Variants in DPP10 observed in about 807,000 individuals in gnomAD.
DPP10 encodes the protein inactive dipeptidyl peptidase 10.
Under a neutral mutation model 120.9 loss-of-function variants are expected in DPP10, and 33 were observed. That is an observed-to-expected ratio of 0.27 (90% CI 0.21 to 0.37). The LOEUF is 0.37. Among genes scored for constraint, DPP10 ranks in the 10% least tolerant of loss-of-function variants. The pLI is 1.00. For missense variants in DPP10, 816 were observed against 942.8 expected (o/e 0.87, Z 1.76); for synonymous variants, 337 against 326.1 (o/e 1.03, Z -0.36).
chr2:115,646,196 T>C (rs2087241174), intron 5 of DPP10, among the ~76,000 whole-genome samples: 1 of 152,150 alleles, frequency 6.6e-6, no homozygotes, highest in Non-Finnish European at 1.5e-5. Context: ...TTACTCTATG[T>C]CACCATATTA....
At chr2:115,696,710 A>G (rs2091611226) in intron 7 of DPP10, among the ~76,000 whole-genome samples, 1 of 152,220 alleles carries the variant, frequency 6.6e-6, no homozygotes, top group African/African-American at 2.4e-5. Context: ...GCAATTATAG[A>G]AATGTATGTT....
chr2:115,125,774 G>A (rs1237374828), intron 1 of DPP10, among the ~76,000 whole-genome samples: 9 of 151,698 alleles, frequency 5.9e-5, no homozygotes, highest in East Asian at 2.0e-4. Context: ...AATAGAGACC[G>A]GGTTTCACCA....
At chr2:115,708,302 C>G (rs1170946269) in intron 7 of DPP10, among the ~76,000 whole-genome samples, 1 of 151,986 alleles carries the variant, frequency 6.6e-6, no homozygotes, top group Non-Finnish European at 1.5e-5. Flanking sequence ...TAAAAAGCAA[C>G]TGTGACTTGG....
intron 1 of DPP10, among the ~76,000 whole-genome samples, chr2:114,905,447 A>AATT (rs1467500590): frequency 6.6e-6 from 1 of 152,070 alleles, no homozygotes; most frequent in Non-Finnish European, 1.5e-5. Flanking sequence ...TCTTAAATTG[A>AATT]ATTATTTACA....
At chr2:114,973,489 G>A (rs993523352) in intron 1 of DPP10, among the ~76,000 whole-genome samples, 31 of 151,224 alleles carry the variant, frequency 2.0e-4, no homozygotes, top group Admixed American at 5.3e-4. Context: ...GTGAAACCCC[G>A]TCTCTACTAA....
chr2:115,499,012 G>T (rs1353088985), intron 3 of DPP10, among the ~76,000 whole-genome samples: 1 of 151,964 alleles, frequency 6.6e-6, no homozygotes, highest in African/African-American at 2.4e-5. Flanking sequence ...ACCCAGAAGA[G>T]AATTCAAGAT....
At chr2:115,031,358 C>T (rs1703830327) in intron 1 of DPP10, among the ~76,000 whole-genome samples, 1 of 152,142 alleles carries the variant, frequency 6.6e-6, no homozygotes, top group Non-Finnish European at 1.5e-5. Flanking sequence ...ATGAGTTTTA[C>T]CGGATGTCTA....
At chr2:115,737,961 T>C (rs1676776117) in intron 8 of DPP10, among the ~76,000 whole-genome samples, 1 of 152,188 alleles carries the variant, frequency 6.6e-6, no homozygotes, top group Admixed American at 6.5e-5. Flanking sequence ...GTTGCCTCTG[T>C]CAGCAAGAAG....
chr2:114,909,611 GA>G (rs1159986199), intron 1 of DPP10, among the ~76,000 whole-genome samples: 5 of 151,932 alleles, frequency 3.3e-5, no homozygotes, highest in Admixed American at 2.0e-4. Flanking sequence ...GAGTAAAGTA[GA>G]AAAAAACTAG....
chr2:115,082,603 A>G (rs1708365248), intron 1 of DPP10, among the ~76,000 whole-genome samples: 2 of 152,238 alleles, frequency 1.3e-5, no homozygotes, highest in Non-Finnish European at 2.9e-5. Context: ...AGTAGTCTCA[A>G]GAATTTTGAG....
At chr2:115,753,098 A>T in intron 10 of DPP10, 76 bp from the exon 11 acceptor site, 1 of 1,374,156 alleles carries the variant, frequency 7.3e-7, no homozygotes, top group Non-Finnish European at 9.8e-7. Flanking sequence ...TATATATAAA[A>T]TGGCAAATGT....
chr2:115,379,338 G>A (rs574787099), intron 3 of DPP10, among the ~76,000 whole-genome samples: 7 of 152,284 alleles, frequency 4.6e-5, no homozygotes. Context: ...GTTTATTTGT[G>A]TAGAGTTGTT....
intron 1 of DPP10, among the ~76,000 whole-genome samples, chr2:115,106,849 G>A (rs1026396573): frequency 3.9e-5 from 6 of 152,092 alleles, no homozygotes; most frequent in East Asian, 1.9e-4. Context: ...GCCGAGGCGG[G>A]TGGATCATGA....
intron 21 of DPP10, among the ~76,000 whole-genome samples, chr2:115,822,368 A>G (rs1687900206): frequency 6.6e-6 from 1 of 151,954 alleles, no homozygotes; most frequent in African/African-American, 2.4e-5. Flanking sequence ...GTGTCTTAAA[A>G]TCAAATAGTA....
chr2:114,884,968 A>G (rs1691938668), intron 1 of DPP10, among the ~76,000 whole-genome samples: 1 of 152,184 alleles, frequency 6.6e-6, no homozygotes, highest in Non-Finnish European at 1.5e-5. Flanking sequence ...CAATGTTGAC[A>G]AGCCTTTGTC....
chr2:115,008,669 A>C (rs1335649034), intron 1 of DPP10, among the ~76,000 whole-genome samples: 13 of 115,836 alleles, frequency 1.1e-4, no homozygotes, highest in Admixed American at 8.9e-5. Flanking sequence ...AAATTTTCGC[A>C]ACCTACTCAT....
At chr2:114,961,748 G>A (rs1200155170) in intron 1 of DPP10, among the ~76,000 whole-genome samples, 3 of 152,132 alleles carry the variant, frequency 2.0e-5, no homozygotes, top group Non-Finnish European at 2.9e-5. Context: ...GAGGTCAGGA[G>A]TTCGAGACCA....
chr2:115,772,958 C>T (rs548385830), intron 13 of DPP10, among the ~76,000 whole-genome samples: 15 of 152,162 alleles, frequency 9.9e-5, no homozygotes, highest in South Asian at 2.1e-4. Flanking sequence ...TTCAGCAACA[C>T]GAAGTTTTGC....
At chr2:115,807,277 A>T (rs1324845976) in intron 19 of DPP10, among the ~76,000 whole-genome samples, 1 of 152,164 alleles carries the variant, frequency 6.6e-6, no homozygotes, top group African/African-American at 2.4e-5. Flanking sequence ...TGGCTAGGAG[A>T]TGTCCCTGAG....
Sources: gnomAD v4.1 joint callset for allele counts (sites outside exome capture counted in the v4.1 genomes callset) on GRCh38, gnomAD v4.1.1 for gene constraint, MANE v1.5 for transcripts, NCBI Gene and HGNC (gene_info 2026-07-23, HGNC 2026-07-21) for gene names.